CLVS1: variants seen among roughly 807,000 people sequenced by gnomAD.
CLVS1 encodes clavesin-1.
Under a neutral mutation model 33.1 loss-of-function variants are expected in CLVS1, and 10 were observed. The ratio of observed to expected loss-of-function variants is 0.30; its 90% confidence interval spans 0.19 to 0.51. CLVS1 has a LOEUF of 0.51. Among genes scored for constraint, CLVS1 ranks in the 20% least tolerant of loss-of-function variants. The probability of loss-of-function intolerance (pLI) is 0.97; values close to 1 mark genes in which losing one functional copy is unlikely to be tolerated. For synonymous variants in CLVS1, 163 were observed against 166.1 expected, an observed-to-expected ratio of 0.98 and a Z score of 0.14; for missense variants, 343 against 433.4, an observed-to-expected ratio of 0.79 and a Z score of 1.85.
chr8:61,307,323 AG>A (rs1294627423), intron 2 of CLVS1, among the ~76,000 whole-genome samples: 1 of 152,228 alleles, frequency 6.6e-6, no homozygotes, highest in Non-Finnish European at 1.5e-5. Context: ...AGGCACTTTA[AG>A]GATGAGTTAA....
At chr8:61,106,410 C>A (rs956295806) in intron 1 of CLVS1, among the ~76,000 whole-genome samples, 1 of 152,156 alleles carries the variant, frequency 6.6e-6, no homozygotes, top group African/African-American at 2.4e-5. Flanking sequence ...TTTAAAGAAA[C>A]GTAGAATGAA....
the CLVS1 span, among the ~76,000 whole-genome samples, chr8:60,986,803 T>C: frequency 2.0e-5 from 3 of 152,308 alleles, no homozygotes; most frequent in South Asian, 6.2e-4. Flanking sequence ...ATGGGTAACA[T>C]CGTACTGGGC....
chr8:61,128,906 C>T (rs1266009473), intron 1 of CLVS1, among the ~76,000 whole-genome samples: 3 of 152,228 alleles, frequency 2.0e-5, no homozygotes, highest in African/African-American at 7.2e-5. Context: ...TCTTTTCTCA[C>T]TCTTTAGAGT....
intron 2 of CLVS1, among the ~76,000 whole-genome samples, chr8:61,222,283 A>T (rs573881594): frequency 2.0e-5 from 3 of 151,804 alleles, no homozygotes; most frequent in Middle Eastern, 6.8e-3. Flanking sequence ...TAGGGTGTCA[A>T]TTTGAGATTT....
At chr8:61,447,682 A>G (rs1288748407) in intron 3 of CLVS1, among the ~76,000 whole-genome samples, 2 of 151,972 alleles carry the variant, frequency 1.3e-5, no homozygotes, top group Non-Finnish European at 2.9e-5. Context: ...TTATAATATA[A>G]TTGTCTTAAA....
chr8:61,234,496 C>T lies in CLVS1; in HGVS notation c.-151-65181C>T, dbSNP rs192115191. On this transcript the variant is annotated intron_variant, in intron 2 of 2. Coordinates refer to the CLVS1 transcript ENST00000522621. ...GAGGACAACTAGAAGTGCATATATC[C>T]GGTCACAATGAGCCAGGGAGATCCA... 1.6e-3 allele frequency among the ~76,000 whole-genome samples: 249 copies of T among 152,200 alleles called. 2 individuals are homozygous for T. The highest frequency in any genetic ancestry group is 3.4e-3 in the Middle Eastern group (1 of 294).
At chr8:61,320,538 A>C (rs1410819217) in intron 2 of CLVS1, among the ~76,000 whole-genome samples, 1 of 152,222 alleles carries the variant, frequency 6.6e-6, no homozygotes, top group African/African-American at 2.4e-5. Context: ...TTTCTATTAC[A>C]AAATACCATA....
At chr8:61,368,966 T>C (rs1213619914) in intron 2 of CLVS1, among the ~76,000 whole-genome samples, 5 of 152,282 alleles carry the variant, frequency 3.3e-5, no homozygotes, top group South Asian at 2.1e-4. Flanking sequence ...CAGGATTTTT[T>C]CTTTCCTTTC....
At chr8:61,089,352 C>T (rs1333756499) in intron 1 of CLVS1, among the ~76,000 whole-genome samples, 1 of 152,148 alleles carries the variant, frequency 6.6e-6, no homozygotes, top group South Asian at 2.1e-4. Context: ...AGAACAAAGT[C>T]GACTTGATTT....
At chr8:61,464,163 C>T (rs1021347509) in intron 5 of CLVS1, among the ~76,000 whole-genome samples, 1 of 151,938 alleles carries the variant, frequency 6.6e-6, no homozygotes, top group Non-Finnish European at 1.5e-5. Flanking sequence ...GTGAGTCATG[C>T]TGTTGGAAAA....
At chr8:61,035,611 T>G in the CLVS1 span, among the ~76,000 whole-genome samples, 15 of 152,270 alleles carry the variant, frequency 9.9e-5, no homozygotes, top group African/African-American at 3.6e-4. Context: ...CTGTTTAGTG[T>G]AATCTAAACA....
chr8:61,348,595 G>A (rs1252361367), intron 2 of CLVS1, among the ~76,000 whole-genome samples: 1 of 151,050 alleles, frequency 6.6e-6, no homozygotes, highest in African/African-American at 2.4e-5. Context: ...GTGTAGATAT[G>A]CCTCATTTTC....
At chr8:61,224,735 A>T (rs747532103) in intron 2 of CLVS1, among the ~76,000 whole-genome samples, 2 of 152,216 alleles carry the variant, frequency 1.3e-5, no homozygotes, top group Non-Finnish European at 2.9e-5. Context: ...ACCAACAAAG[A>T]TCAAAAAAGA....
intron 2 of CLVS1, among the ~76,000 whole-genome samples, chr8:61,319,404 G>A (rs1291046523): frequency 6.6e-6 from 1 of 152,134 alleles, no homozygotes; most frequent in Non-Finnish European, 1.5e-5. Flanking sequence ...CTAGATGAAA[G>A]CCCCATTCTG....
Position 61,432,310 on chromosome 8 carries a change from G to A in CLVS1, c.631-21831G>A, listed in dbSNP as rs534229876. ...CATTCACTTAACACTATTATGGGACGAATTGTTACCCCCCAAATTCGTCTG... is the reference window on the plus strand; with the variant it reads ...CATTCACTTAACACTATTATGGGACAAATTGTTACCCCCCAAATTCGTCTG... On this transcript the variant is annotated intron_variant, in intron 3 of 5. Transcript: ENST00000325897. Among the ~76,000 whole-genome samples the A allele has an allele frequency of 2.4e-4, 37 of 152,076 alleles. No individual in the cohort carries two copies. In the South Asian group the frequency reaches 2.7e-3, roughly 11 times the overall value.
At chr8:61,084,334 G>A (rs1032938269) in intron 1 of CLVS1, among the ~76,000 whole-genome samples, 3 of 152,168 alleles carry the variant, frequency 2.0e-5, no homozygotes, top group Non-Finnish European at 4.4e-5. Context: ...CCAACATCAG[G>A]TGGAAAAAGA....
intron 1 of CLVS1, among the ~76,000 whole-genome samples, chr8:61,086,977 G>A (rs113513530): frequency 5.6e-4 from 86 of 152,302 alleles, no homozygotes; most frequent in African/African-American, 1.8e-3. Context: ...ATGCCATTGA[G>A]GAGAAGCAGC....
At chr8:61,075,265 C>T (rs1362668926) in intron 1 of CLVS1, among the ~76,000 whole-genome samples, 2 of 152,082 alleles carry the variant, frequency 1.3e-5, no homozygotes, top group Non-Finnish European at 2.9e-5. Context: ...AGATCATTCT[C>T]CCCAGAGGCC....
At chr8:61,410,828 G>T (rs922833752) in intron 3 of CLVS1, among the ~76,000 whole-genome samples, 1 of 152,106 alleles carries the variant, frequency 6.6e-6, no homozygotes, top group African/African-American at 2.4e-5. Flanking sequence ...TTTTAGTACA[G>T]AGGGGATTTC....
Sources: allele counts gnomAD v4.1 joint callset (sites outside exome capture counted in the v4.1 genomes callset), GRCh38; gene constraint gnomAD v4.1.1; transcripts MANE v1.5; gene names NCBI Gene and HGNC (gene_info 2026-07-23, HGNC 2026-07-21).